The following HMGCLL1 variants were observed in gnomAD, a reference collection of about 807,000 sequenced individuals.
The protein encoded by HMGCLL1 is 3-hydroxy-3-methylglutaryl-CoA lyase like 1, also known as 3-hydroxymethyl-3-methylglutaryl-CoA lyase, cytoplasmic.
HMGCLL1 carries 36 observed loss-of-function variants against 39.1 expected under a neutral mutation model. That is an observed-to-expected ratio of 0.92 (90% confidence interval 0.71 to 1.22). The LOEUF (loss-of-function observed/expected upper bound fraction) is 1.22, where lower values mean the gene tolerates loss of function less well. HMGCLL1 is among the 50% of genes most tolerant of loss of function. HMGCLL1 has a pLI of 0.00. For missense variants in HMGCLL1, 451 were observed against 416.5 expected (o/e 1.08, Z -0.72); for synonymous variants, 149 against 144.0 (o/e 1.03, Z -0.25).
chr6:55,630,489 G>T, the HMGCLL1 span, among the ~76,000 whole-genome samples: 1 of 152,070 alleles, frequency 6.6e-6, no homozygotes, highest in East Asian at 1.9e-4. Context: ...GCTGAAATGA[G>T]TTAAGATTTT....
In HMGCLL1 at chr6:55,566,451, A is replaced by C. The variant is rs75896760; in HGVS notation, c.108+12497T>G. ...TGTATTTCTCTACTTCACAAAATCA[A>C]GGAAGCGTGACTTGGAAAGTTATAA... On this transcript the variant is annotated intron_variant, in intron 1 of 8. Transcript: ENST00000274901. 3.7e-5 allele frequency: 10 copies of C among 269,638 alleles called. No individual in the cohort carries two copies. The East Asian group carries it at 4.2e-4, about 11-fold the overall frequency. 16.7% of individuals were successfully genotyped at this position (269,638 alleles called of 1,614,324 possible). A position where few individuals can be genotyped will look rare whatever the true frequency, so the allele number is the denominator to read the frequency against.
intron 7 of HMGCLL1, among the ~76,000 whole-genome samples, chr6:55,441,068 C>A (rs1763575510): frequency 6.9e-6 from 1 of 145,088 alleles, no homozygotes; most frequent in Non-Finnish European, 1.6e-5. Flanking sequence ...GGTACAGGGA[C>A]CACATGCAAT....
the HMGCLL1 span, among the ~76,000 whole-genome samples, chr6:55,601,437 A>G: frequency 6.6e-6 from 1 of 152,178 alleles, no homozygotes; most frequent in South Asian, 2.1e-4. Flanking sequence ...TCAAATAAAA[A>G]CAGGGCAAGC....
chr6:55,658,229 T>C, the HMGCLL1 span, among the ~76,000 whole-genome samples: 1 of 151,904 alleles, frequency 6.6e-6, no homozygotes, highest in Non-Finnish European at 1.5e-5. Context: ...ATCTTCTCTT[T>C]TTGTCTGCCT....
chr6:55,590,637 T>C, the HMGCLL1 span, among the ~76,000 whole-genome samples: 1 of 152,056 alleles, frequency 6.6e-6, no homozygotes, highest in Non-Finnish European at 1.5e-5. Context: ...TAAAAAATCT[T>C]CATAAAATTT....
chr6:55,573,997 G>C (rs1221198843), intron 1 of HMGCLL1, among the ~76,000 whole-genome samples: 2 of 152,010 alleles, frequency 1.3e-5, no homozygotes, highest in African/African-American at 2.4e-5. Flanking sequence ...TATTGTAACT[G>C]GCTTCCACTG....
chr6:55,556,001 A>T (rs1482897829), intron 1 of HMGCLL1, among the ~76,000 whole-genome samples: 1 of 152,126 alleles, frequency 6.6e-6, no homozygotes, highest in East Asian at 1.9e-4. Context: ...CCTGAAGGCC[A>T]GTATGCAGGA....
the HMGCLL1 span, among the ~76,000 whole-genome samples, chr6:55,632,644 C>T: frequency 6.6e-6 from 1 of 151,604 alleles, no homozygotes; most frequent in African/African-American, 2.4e-5. Flanking sequence ...TTTTAGGGGC[C>T]TACTTATTAT....
At chr6:55,526,504 G>T (rs1768328632) in intron 3 of HMGCLL1, among the ~76,000 whole-genome samples, 1 of 151,890 alleles carries the variant, frequency 6.6e-6, no homozygotes, top group African/African-American at 2.4e-5. Flanking sequence ...TACTTTGCAT[G>T]AAATAAGATT....
At chr6:55,572,850 T>C (rs1274496357) in intron 1 of HMGCLL1, among the ~76,000 whole-genome samples, 1 of 152,176 alleles carries the variant, frequency 6.6e-6, no homozygotes, top group Non-Finnish European at 1.5e-5. Context: ...AATGAAAACC[T>C]AATAGTCTCA....
chr6:55,629,692 C>T, the HMGCLL1 span, among the ~76,000 whole-genome samples: 1 of 152,102 alleles, frequency 6.6e-6, no homozygotes, highest in Non-Finnish European at 1.5e-5. Flanking sequence ...GTGCTGTGAG[C>T]AACCTAGGGA....
the HMGCLL1 span, among the ~76,000 whole-genome samples, chr6:55,662,176 A>C: frequency 6.6e-6 from 1 of 151,360 alleles, no homozygotes; most frequent in African/African-American, 2.4e-5. Flanking sequence ...GGATGCCCTC[A>C]TTTCTTTTTC....
the HMGCLL1 span, among the ~76,000 whole-genome samples, chr6:55,660,247 C>T: frequency 6.6e-6 from 1 of 151,718 alleles, no homozygotes; most frequent in African/African-American, 2.4e-5. Flanking sequence ...TTCATGGGTA[C>T]ATATGCAGGT....
chr6:55,467,020 C>T (rs767231159), intron 7 of HMGCLL1, among the ~76,000 whole-genome samples: 2 of 152,010 alleles, frequency 1.3e-5, no homozygotes, highest in Non-Finnish European at 2.9e-5. Context: ...TTATCTTGAA[C>T]TTGATGCTTC....
chr6:55,558,858 T>A (rs141795678), intron 1 of HMGCLL1, among the ~76,000 whole-genome samples: 1 of 152,318 alleles, frequency 6.6e-6, no homozygotes, highest in Admixed American at 6.5e-5. Context: ...TGACCAGAAG[T>A]ATCCAAACTG....
chr6:55,556,275 T>A (rs1770661085), intron 1 of HMGCLL1, among the ~76,000 whole-genome samples: 1 of 152,028 alleles, frequency 6.6e-6, no homozygotes, highest in East Asian at 1.9e-4. Flanking sequence ...GGAGAGGAAC[T>A]AAGGGAATAA....
chr6:55,577,148 AG>A, intron 1 of HMGCLL1: 1 of 1,599,402 alleles, frequency 6.3e-7, no homozygotes, highest in Non-Finnish European at 8.5e-7. Flanking sequence ...AAAGCAGTGA[AG>A]GTTTGTTAGA....
At chr6:55,492,284 G>T (rs9296785) in intron 7 of HMGCLL1, among the ~76,000 whole-genome samples, 80,308 of 151,990 alleles carry the variant, frequency 0.53, 21,471 homozygotes, top group African/African-American at 0.63. Context: ...GATTTTCTCT[G>T]ATTCTCCTTC....
At chr6:55,649,124 A>G in the HMGCLL1 span, among the ~76,000 whole-genome samples, 1 of 152,044 alleles carries the variant, frequency 6.6e-6, no homozygotes, top group Middle Eastern at 3.2e-3. Flanking sequence ...ACACACCACA[A>G]TTACAGTGTT....
Sources: allele counts gnomAD v4.1 joint callset (sites outside exome capture counted in the v4.1 genomes callset), GRCh38; gene constraint gnomAD v4.1.1; transcripts MANE v1.5; gene names NCBI Gene and HGNC (gene_info 2026-07-23, HGNC 2026-07-21).